Variants in EBF1 observed in about 807,000 individuals in gnomAD.
EBF1 encodes transcription factor COE1.
In EBF1, 10 loss-of-function variants were observed where a neutral mutation model predicts 68.4. That is an observed-to-expected ratio of 0.15 (90% CI 0.09 to 0.25). The LOEUF is 0.25. Ranked by LOEUF, EBF1 falls within the 10% of genes least tolerant of loss-of-function variation. EBF1 has a pLI of 1.00. For missense variants in EBF1, 509 were observed against 794.4 expected, an observed-to-expected ratio of 0.64 and a Z score of 4.32; for synonymous variants, 298 against 299.8, an observed-to-expected ratio of 0.99 and a Z score of 0.06.
At position 158,829,795 on chromosome 5, in the gene EBF1, C is replaced by A. The variant is rs573759281; in HGVS notation, c.637-6478G>T. On this transcript the variant is annotated intron_variant, in intron 7 of 15. Transcript: ENST00000313708. Reference sequence around the variant, plus strand: ...CAAGAGACTCCAGAGATCAGCTAATCTAGTGGCTCCTAACTAAGAGTTTTT... The same window carrying A: ...CAAGAGACTCCAGAGATCAGCTAATATAGTGGCTCCTAACTAAGAGTTTTT... Among the ~76,000 whole-genome samples the A allele has an allele frequency of 1.0e-3, 159 of 152,286 alleles. 1 individual carries two copies. Among genetic ancestry groups the A allele is most frequent in the African/African-American group, 3.7e-3 (155 of 41,560 alleles).
chr5:159,047,555 G>A (rs1358356823), intron 6 of EBF1, among the ~76,000 whole-genome samples: 4 of 152,066 alleles, frequency 2.6e-5, no homozygotes, highest in Admixed American at 6.5e-5. Flanking sequence ...ATGACTCCTC[G>A]GTTCCTATAA....
intron 6 of EBF1, among the ~76,000 whole-genome samples, chr5:159,051,481 A>C (rs1329809612): frequency 8.1e-6 from 1 of 123,688 alleles, no homozygotes; most frequent in African/African-American, 3.0e-5. Flanking sequence ...CCCGCTCCAC[A>C]TGTGCGACTC....
chr5:159,054,421 G>C lies in EBF1; in HGVS notation c.554+18975C>G, dbSNP rs76830034. Among the ~76,000 whole-genome samples the C allele has an allele frequency of 3.0e-3, 456 of 152,212 alleles. 21 individuals carry two copies. The East Asian group carries it at 0.077, about 26-fold the overall frequency. On this transcript the variant is annotated intron_variant, in intron 6 of 15. Coordinates refer to ENST00000313708, the MANE Select transcript of EBF1 (RefSeq NM_024007.5). ...TAATTTAAAATTTAAAAAATAGAGA[G>C]AGAGATCTGGTTCCCATCCTGGACA...
rs1212405047 is a variant in EBF1, at chr5:159,076,853, T to C, written c.486-3389A>G. On this transcript the variant is annotated intron_variant, in intron 5 of 15. Transcript: ENST00000313708. ...GTGTGTACATACATACATATGAGTG[T>C]ACATATATGGATGTGTGTGTACACA... 2.6e-5 allele frequency among the ~76,000 whole-genome samples: 4 copies of C among 152,238 alleles called. No homozygotes were observed. In the East Asian group the frequency reaches 7.7e-4, roughly 29 times the overall value.
In EBF1 at chr5:158,840,062, A is replaced by G. The variant is rs1271862197; in HGVS notation, c.603T>C (p.Asn201=). 1.2e-6 allele frequency: 2 copies of G among 1,614,186 alleles called. No homozygotes were observed. Among genetic ancestry groups the G allele is most frequent in the Admixed American group, 3.3e-5 (2 of 60,028 alleles). Residue 201 remains asparagine (N), a synonymous_variant, in exon 7 of 16, where the codon AAT becomes AAC. Transcript: ENST00000313708. ...FLKCNQNCLK[N]AGNPRDMRRF... ...TCCGCATGTCACGTGGGTTTCCCGCATTCTTTAGGCAATTTTGGTTACATT... is the reference window on the plus strand; with the variant it reads ...TCCGCATGTCACGTGGGTTTCCCGCGTTCTTTAGGCAATTTTGGTTACATT...
chr5:158,829,357 A>AT (rs1175038518), intron 7 of EBF1, among the ~76,000 whole-genome samples: 8 of 118,108 alleles, frequency 6.8e-5, no homozygotes, highest in East Asian at 4.8e-4. Flanking sequence ...TTTTTTTTGT[A>AT]TTTTTTTTGT....
intron 14 of EBF1, among the ~76,000 whole-genome samples, chr5:158,711,597 C>A (rs147416879): frequency 6.6e-6 from 1 of 151,966 alleles, no homozygotes; most frequent in African/African-American, 2.4e-5. Flanking sequence ...TGAAACAAGA[C>A]GAAACTAATA....
intron 6 of EBF1, among the ~76,000 whole-genome samples, chr5:159,043,468 T>A (rs960035868): frequency 6.6e-6 from 1 of 152,216 alleles, no homozygotes; most frequent in African/African-American, 2.4e-5. Flanking sequence ...GTAAAGTCTA[T>A]GCAAAGTCTA....
At chr5:158,731,270 T>C in intron 10 of EBF1, 113 bp from the exon 11 acceptor site, 3 of 940,112 alleles carry the variant, frequency 3.2e-6, no homozygotes, top group South Asian at 3.2e-5. Context: ...ACTGATACTT[T>C]TGAATTGGAT....
chr5:158,984,944 A>G lies in EBF1; in HGVS notation c.554+88452T>C, dbSNP rs573306440. ...GTGATCCACCCACCTCGGCCTCCCA[A>G]AGTGCTGGGACTACAGGCATGAGCC... On this transcript the variant is annotated intron_variant, in intron 6 of 15. Coordinates refer to ENST00000313708, the MANE Select transcript of EBF1 (RefSeq NM_024007.5). 2.6e-5 allele frequency among the ~76,000 whole-genome samples: 4 copies of G among 152,040 alleles called. No homozygotes were observed. In the East Asian group the frequency reaches 5.8e-4, roughly 22 times the overall value.
At chr5:159,087,057 A>G (rs1343730527) in intron 4 of EBF1, among the ~76,000 whole-genome samples, 1 of 152,012 alleles carries the variant, frequency 6.6e-6, no homozygotes, top group Non-Finnish European at 1.5e-5. Flanking sequence ...AAAAACTCTA[A>G]TGAAGCATTT....
At position 158,951,702 on chromosome 5, in the gene EBF1, C is replaced by G. The variant is rs141472265; in HGVS notation, c.555-111592G>C. On this transcript the variant is annotated intron_variant, in intron 6 of 15. Transcript: ENST00000313708. ...TGTACTAAATTAGGGGCTGGTGATT[C>G]TCTGATTGGGACCAAGAGGGTGATA... Among the ~76,000 whole-genome samples, 167 of 152,286 alleles carry G rather than the reference C, an allele frequency of 1.1e-3. 1 individual carries two copies. Among genetic ancestry groups the G allele is most frequent in the African/African-American group, 3.9e-3 (160 of 41,552 alleles).
At chr5:158,720,186 G>T (rs750766985) in intron 11 of EBF1, among the ~76,000 whole-genome samples, 2 of 151,976 alleles carry the variant, frequency 1.3e-5, no homozygotes, top group South Asian at 2.1e-4. Flanking sequence ...TTCGTATAGG[G>T]TTTACTGCAG....
At chr5:158,995,475 T>C (rs1374344137) in intron 6 of EBF1, among the ~76,000 whole-genome samples, 1 of 152,088 alleles carries the variant, frequency 6.6e-6, no homozygotes, top group Non-Finnish European at 1.5e-5. Context: ...GACTATATAA[T>C]CTCCAAGGCT....
chr5:158,987,159 A>C (rs1460050136), intron 6 of EBF1: 1 of 152,232 alleles, frequency 6.6e-6, no homozygotes, highest in South Asian at 2.1e-4. Flanking sequence ...ATTAAAATCC[A>C]GGCTTATGCA....
intron 7 of EBF1, among the ~76,000 whole-genome samples, chr5:158,837,342 A>G (rs923737256): frequency 1.3e-5 from 2 of 152,216 alleles, no homozygotes; most frequent in African/African-American, 4.8e-5. Flanking sequence ...CCTAGACTGA[A>G]CTCATGATCC....
At chr5:158,805,389 T>C (rs964832111) in intron 8 of EBF1, among the ~76,000 whole-genome samples, 1 of 152,144 alleles carries the variant, frequency 6.6e-6, no homozygotes, top group African/African-American at 2.4e-5. Flanking sequence ...GGAATCGGCC[T>C]GATAGGATTA....
intron 6 of EBF1, among the ~76,000 whole-genome samples, chr5:159,016,686 C>T (rs1405071621): frequency 6.6e-6 from 1 of 152,170 alleles, no homozygotes; most frequent in Non-Finnish European, 1.5e-5. Context: ...ATTACTGGCA[C>T]TTGGGTGAGG....
chr5:159,017,232 A>G (rs1227025810), intron 6 of EBF1, among the ~76,000 whole-genome samples: 2 of 152,260 alleles, frequency 1.3e-5, no homozygotes, highest in African/African-American at 4.8e-5. Flanking sequence ...CCCTGCAGCT[A>G]TAAAAGAAAG....
Sources: allele counts gnomAD v4.1 joint callset (sites outside exome capture counted in the v4.1 genomes callset), GRCh38; gene constraint gnomAD v4.1.1; transcripts MANE v1.5; gene names NCBI Gene and HGNC (gene_info 2026-07-23, HGNC 2026-07-21).